Variants in ODR4 observed in about 807,000 individuals in gnomAD.
ODR4 encodes odr-4 GPCR localization factor homolog.
In ODR4, 47 loss-of-function variants were observed where a neutral mutation model predicts 60.2. The ratio of observed to expected loss-of-function variants is 0.78; its 90% CI spans 0.62 to 1.00. The LOEUF (loss-of-function observed/expected upper bound fraction) is 1.00, where lower values mean the gene tolerates loss of function less well. Among genes scored for constraint, ODR4 ranks in the 50% least tolerant of loss-of-function variants. ODR4 has a pLI of 0.00. For synonymous variants in ODR4, 178 were observed against 175.5 expected (o/e 1.01, Z -0.11); for missense variants, 488 against 530.8 (o/e 0.92, Z 0.79).
rs774345308 is a variant in ODR4 at position 186,406,259 on chromosome 1, A to G, written c.1177A>G (p.Thr393Ala). 4 of 1,601,882 alleles carry G rather than the reference A, an allele frequency of 2.5e-6. No individual in the cohort carries two copies. Among genetic ancestry groups the G allele is most frequent in the Admixed American group, 3.4e-5 (2 of 58,282 alleles). ...QIEDLEIAEE[T>A]NTACMSSSMN... The stretch of plus-strand genomic sequence containing the variant: ...AGAAGATTTGGAAATTGCAGAGGAA[A>G]CAAACACAGGTCATTATATGATGCT... Residue 393 changes from threonine (T) to alanine (A), a missense_variant, in exon 12 of 14, where the codon ACA becomes GCA. Transcript: ENST00000287859.
chr1:186,419,302 A>G lies in ODR4; in HGVS notation c.*226A>G. 1 of 544,514 alleles carries G rather than the reference A, an allele frequency of 1.8e-6. No individual in the cohort carries two copies. The highest frequency in any genetic ancestry group is 2.4e-5 in the South Asian group (1 of 41,514). 33.7% of individuals were successfully genotyped at this position (544,514 alleles called of 1,614,324 possible). On this transcript the variant is annotated 3_prime_UTR_variant, in exon 14 of 14. Coordinates refer to ENST00000287859, the MANE Select transcript of ODR4 (RefSeq NM_017847.6). ...TCCAGAAATAACGTTATGCATCTAG[A>G]TGGAAGCTGCATGTAACAAATCATT...
At chr1:186,397,151 T>C (rs1017859885) in intron 9 of ODR4, among the ~76,000 whole-genome samples, 3 of 152,232 alleles carry the variant, frequency 2.0e-5, no homozygotes, top group Non-Finnish European at 2.9e-5. Flanking sequence ...CTAGAAGATT[T>C]ACATTGCCTT....
chr1:186,409,253 A>G lies in ODR4; in HGVS notation c.1186+2985A>G, dbSNP rs754567897. ...TGTAATGTATTCCTAAGAGGTAACTATGGCAACCTGGCATGACAGCCTCCC... is the reference window on the plus strand; with the variant it reads ...TGTAATGTATTCCTAAGAGGTAACTGTGGCAACCTGGCATGACAGCCTCCC... On this transcript the variant is annotated intron_variant, in intron 12 of 13. Coordinates refer to ENST00000287859, the MANE Select transcript of ODR4 (RefSeq NM_017847.6). 5.9e-5 allele frequency among the ~76,000 whole-genome samples: 9 copies of G among 152,066 alleles called. No homozygotes were observed. In the South Asian group the frequency reaches 6.2e-4, roughly 11 times the overall value.
In ODR4 at chr1:186,409,159, G is replaced by A. The variant is rs368098871; in HGVS notation, c.1186+2891G>A. 1.7e-4 allele frequency among the ~76,000 whole-genome samples: 26 copies of A among 149,604 alleles called. 1 individual carries two copies. Among genetic ancestry groups the A allele is most frequent in the African/African-American group, 6.4e-4 (26 of 40,634 alleles). ...AATGGGCCGTGTTTACACCACTGCC[G>A]TTCAGCCTGGGTGACAGAGTAGGAC... On this transcript the variant is annotated intron_variant, in intron 12 of 13. Coordinates refer to ENST00000287859, the MANE Select transcript of ODR4 (RefSeq NM_017847.6).
At chr1:186,387,775 A>G (rs1038130969) in intron 4 of ODR4, among the ~76,000 whole-genome samples, 1 of 152,182 alleles carries the variant, frequency 6.6e-6, no homozygotes, top group Non-Finnish European at 1.5e-5. Context: ...CTCTCTGCAC[A>G]TTATTGTTAG....
chr1:186,418,184 T>G (rs868693592), intron 13 of ODR4, among the ~76,000 whole-genome samples: 21 of 152,290 alleles, frequency 1.4e-4, no homozygotes, highest in African/African-American at 4.8e-4. Flanking sequence ...GCCAGAAGAT[T>G]TAATTGTAGT....
chr1:186,387,759 A>T (rs761738903), intron 4 of ODR4, among the ~76,000 whole-genome samples: 3 of 152,232 alleles, frequency 2.0e-5, no homozygotes, highest in Non-Finnish European at 4.4e-5. Flanking sequence ...GTTACAGATT[A>T]GATTTCTCTC....
At chr1:186,398,833 G>A in intron 10 of ODR4, 121 bp from the exon 11 acceptor site, 2 of 595,826 alleles carry the variant, frequency 3.4e-6, no homozygotes, top group South Asian at 2.7e-5. Context: ...ATTGAATGAT[G>A]TATCAGTTAT....
At chr1:186,433,197 G>T in the ODR4 span, among the ~76,000 whole-genome samples, 1 of 151,980 alleles carries the variant, frequency 6.6e-6, no homozygotes, top group Non-Finnish European at 1.5e-5. Context: ...TTGTGGGTTT[G>T]CTTTATTTTC....
chr1:186,421,526 A>G (rs902880930), downstream of ODR4: 2 of 152,148 alleles, frequency 1.3e-5, no homozygotes, highest in African/African-American at 4.8e-5. Context: ...ACTATGTTAT[A>G]ATAAATATGT....
the ODR4 span, among the ~76,000 whole-genome samples, chr1:186,432,124 C>T: frequency 6.6e-6 from 1 of 151,924 alleles, no homozygotes; most frequent in Admixed American, 6.5e-5. Flanking sequence ...TGGGAGGGGA[C>T]CTAGGTATTG....
Position 186,406,093 on chromosome 1 carries a change from A to T in ODR4, c.1011A>T (p.Lys337Asn). The T allele has an allele frequency of 6.4e-7, 1 of 1,557,624 alleles. No individual in the cohort carries two copies. The highest frequency in any genetic ancestry group is 8.7e-7 in the Non-Finnish European group (1 of 1,153,910). The part of the protein sequence containing the change: ...NEIPEKKDSE[K>N]EFHVLPYRVF... Reference sequence around the variant, plus strand: ...TTCTTTTCCTTTTAGATTCTGAAAAAGAGTTCCACGTCCTCCCTTATCGAG... The same window carrying T: ...TTCTTTTCCTTTTAGATTCTGAAAATGAGTTCCACGTCCTCCCTTATCGAG... Residue 337 changes from lysine to asparagine, a missense_variant, in exon 12 of 14, where the codon AAA (lysine) becomes AAT (asparagine). Physicochemically the swap from Lys to Asn is moderately conservative, Grantham distance 94. Coordinates refer to ENST00000287859, the MANE Select transcript of ODR4 (RefSeq NM_017847.6).
intron 11 of ODR4, among the ~76,000 whole-genome samples, chr1:186,404,814 T>C (rs1661114085): frequency 6.6e-6 from 1 of 152,188 alleles, no homozygotes; most frequent in African/African-American, 2.4e-5. Flanking sequence ...GACAACGAAG[T>C]CTAGGTTACT....
intron 11 of ODR4, among the ~76,000 whole-genome samples, chr1:186,400,083 C>T (rs1351434733): frequency 6.7e-6 from 1 of 149,184 alleles, no homozygotes; most frequent in African/African-American, 2.5e-5. Context: ...GCTCCGCCTC[C>T]CGGGTTCACG....
intron 9 of ODR4, among the ~76,000 whole-genome samples, chr1:186,397,294 A>G (rs181250887): frequency 1.3e-5 from 2 of 152,238 alleles, no homozygotes; most frequent in African/African-American, 4.8e-5. Flanking sequence ...CACTTTTCAC[A>G]AGTTGTATGA....
intron 9 of ODR4, among the ~76,000 whole-genome samples, chr1:186,395,785 A>G (rs539840476): frequency 6.6e-6 from 1 of 152,220 alleles, no homozygotes; most frequent in East Asian, 1.9e-4. Flanking sequence ...TTTCTGAATC[A>G]TAGTTTATGT....
At chr1:186,397,918 T>C (rs758585895) in intron 9 of ODR4, among the ~76,000 whole-genome samples, 4 of 152,232 alleles carry the variant, frequency 2.6e-5, no homozygotes, top group Non-Finnish European at 5.9e-5. Context: ...GTATTTGTTA[T>C]TGTGAACTTA....
Position 186,382,861 on chromosome 1 carries a change from T to C in ODR4, c.100-161T>C, listed in dbSNP as rs191223841. Among the ~76,000 whole-genome samples, 15 of 152,324 alleles carry C rather than the reference T, an allele frequency of 9.8e-5. No individual in the cohort carries two copies. In the East Asian group the frequency reaches 2.7e-3, roughly 27 times the overall value. On this transcript the variant is annotated intron_variant, in intron 2 of 13. Coordinates refer to ENST00000287859, the MANE Select transcript of ODR4 (RefSeq NM_017847.6). ...TGTAAGGCCATCCTTGAAAATTAGCTTCCCTTTAGCTTCCATTATAATGTG... is the reference window on the plus strand; with the variant it reads ...TGTAAGGCCATCCTTGAAAATTAGCCTCCCTTTAGCTTCCATTATAATGTG...
At chr1:186,397,353 T>TC (rs1478021424) in intron 9 of ODR4, among the ~76,000 whole-genome samples, 1 of 152,208 alleles carries the variant, frequency 6.6e-6, no homozygotes, top group Non-Finnish European at 1.5e-5. Flanking sequence ...TGACTTATAC[T>TC]CCAAGTGTTC....
Sources: allele counts gnomAD v4.1 joint callset (sites outside exome capture counted in the v4.1 genomes callset), GRCh38; gene constraint gnomAD v4.1.1; transcripts MANE v1.5; gene names NCBI Gene and HGNC (gene_info 2026-07-23, HGNC 2026-07-21).